Variants in MEMO1 observed in about 807,000 individuals in gnomAD.
MEMO1 encodes protein MEMO1.
Under a neutral mutation model 45.2 loss-of-function variants are expected in MEMO1, and 6 were observed. The ratio of observed to expected loss-of-function variants is 0.13; its 90% CI spans 0.07 to 0.26. The LOEUF (loss-of-function observed/expected upper bound fraction) is 0.26, where lower values mean the gene tolerates loss of function less well. MEMO1 is among the 10% of genes least tolerant of loss of function. The pLI is 1.00. For synonymous variants in MEMO1, 78 were observed against 124.3 expected (o/e 0.63, Z 2.48); for missense variants, 184 against 370.5 (o/e 0.50, Z 4.13).
chr2:31,932,142 A>C lies in MEMO1; in HGVS notation c.144-7T>G. ...GTACGTATATCCTGCATGGCTACAA[A>C]ACAAAATATTTTTAAACTTAATCAT... On this transcript the variant is annotated splice_polypyrimidine_tract_variant and splice_region_variant and intron_variant, in intron 3 of 9. Coordinates refer to ENST00000404530, the MANE Select transcript of MEMO1 (RefSeq NM_001301833.4). The C allele has an allele frequency of 6.2e-7, 1 of 1,610,860 alleles. No homozygotes were observed. Among genetic ancestry groups the C allele is most frequent in the Non-Finnish European group, 8.5e-7 (1 of 1,178,528 alleles).
At chr2:31,991,136 C>T (rs1218718541) in intron 2 of MEMO1, among the ~76,000 whole-genome samples, 2 of 152,064 alleles carry the variant, frequency 1.3e-5, no homozygotes, top group Admixed American at 6.5e-5. Flanking sequence ...CTTATAGTCA[C>T]GTGTGTTTAT....
chr2:31,965,211 CAAA>C, intron 2 of MEMO1, among the ~76,000 whole-genome samples: 1 of 129,732 alleles, frequency 7.7e-6, no homozygotes, highest in South Asian at 2.5e-4. Flanking sequence ...GAAACTCCAT[CAAA>C]AAAAAGAAAG....
chr2:31,906,300 GTTTT>G (rs566139722), intron 6 of MEMO1, among the ~76,000 whole-genome samples: 4 of 148,508 alleles, frequency 2.7e-5, no homozygotes, highest in East Asian at 2.0e-4. Flanking sequence ...TTTTGTTTTT[GTTTT>G]TTTTGTTTGT....
At chr2:31,961,672 G>C (rs931349413) in intron 2 of MEMO1, among the ~76,000 whole-genome samples, 3 of 151,948 alleles carry the variant, frequency 2.0e-5, no homozygotes, top group Non-Finnish European at 2.9e-5. Flanking sequence ...CAGCTACTCA[G>C]GAAGCTGAGG....
rs149465511 is a variant in MEMO1 at position 31,873,982 on chromosome 2, T to C, written c.658-4030A>G. Among the ~76,000 whole-genome samples, 683 of 152,160 alleles carry C rather than the reference T, an allele frequency of 4.5e-3. 5 individuals carry two copies. Among genetic ancestry groups the C allele is most frequent in the African/African-American group, 0.016 (649 of 41,544 alleles). On this transcript the variant is annotated intron_variant, in intron 8 of 9. Transcript: ENST00000404530. Reference sequence around the variant, plus strand: ...GGCTTAGGTTCAAGAGAAAGAAGTATGAGGTGACGAAGGAACAATTTTCAC... The same window carrying C: ...GGCTTAGGTTCAAGAGAAAGAAGTACGAGGTGACGAAGGAACAATTTTCAC...
At chr2:31,971,640 T>C (rs1572856128) in intron 2 of MEMO1, among the ~76,000 whole-genome samples, 1 of 152,046 alleles carries the variant, frequency 6.6e-6, no homozygotes, top group African/African-American at 2.4e-5. Flanking sequence ...CCTTGCAAAG[T>C]AGCTGGAACT....
chr2:32,003,526 A>G (rs1417975417), intron 2 of MEMO1, among the ~76,000 whole-genome samples: 1 of 152,228 alleles, frequency 6.6e-6, no homozygotes, highest in African/African-American at 2.4e-5. Context: ...CTTTTTCAAT[A>G]TATGTTTACT....
intron 6 of MEMO1, among the ~76,000 whole-genome samples, chr2:31,907,786 A>AACACACACACACACACACAC (rs3065385): frequency 6.9e-6 from 1 of 145,308 alleles, no homozygotes; most frequent in African/African-American, 2.6e-5. Flanking sequence ...CCGTGTCTTA[A>AACACACACACACACACACAC]ACACACACAC....
At chr2:31,991,190 G>A (rs1671899212) in intron 2 of MEMO1, among the ~76,000 whole-genome samples, 1 of 152,134 alleles carries the variant, frequency 6.6e-6, no homozygotes, top group Non-Finnish European at 1.5e-5. Flanking sequence ...ATAAGAAATT[G>A]ATAAAAGCAA....
intron 6 of MEMO1, among the ~76,000 whole-genome samples, chr2:31,897,666 G>C (rs191787650): frequency 1.2e-3 from 185 of 152,274 alleles, no homozygotes; most frequent in African/African-American, 4.1e-3. Flanking sequence ...AGGGATATTG[G>C]CCTGAAATTT....
At chr2:31,891,855 C>CT (rs1677034071) in intron 7 of MEMO1, 137 bp downstream of exon 7, 2 of 900,110 alleles carry the variant, frequency 2.2e-6, no homozygotes, top group South Asian at 3.6e-5. Flanking sequence ...TTTTTATTCA[C>CT]TTTTAAACAC....
chr2:31,868,629 CTT>C (rs1356565816), intron 9 of MEMO1, 137 bp from the exon 10 acceptor site: 3 of 730,384 alleles, frequency 4.1e-6, no homozygotes, highest in Non-Finnish European at 5.9e-6. Flanking sequence ...TTGAATTTCT[CTT>C]GTTGCATCAT....
chr2:31,964,542 C>A (rs935205872), intron 2 of MEMO1, among the ~76,000 whole-genome samples: 8 of 150,358 alleles, frequency 5.3e-5, no homozygotes, highest in African/African-American at 1.9e-4. Flanking sequence ...ACTAAAAACA[C>A]AAAAAAAAAT....
chr2:31,937,287 T>G (rs547113644), intron 3 of MEMO1, among the ~76,000 whole-genome samples: 1 of 152,220 alleles, frequency 6.6e-6, no homozygotes, highest in South Asian at 2.1e-4. Context: ...AAATATTAAA[T>G]AGTCTGAGCT....
chr2:31,899,646 AC>A (rs919184634), intron 6 of MEMO1, among the ~76,000 whole-genome samples: 11 of 152,356 alleles, frequency 7.2e-5, no homozygotes, highest in African/African-American at 2.6e-4. Flanking sequence ...TGACTAAAAC[AC>A]CAAAAGCAAT....
intron 5 of MEMO1, among the ~76,000 whole-genome samples, chr2:31,918,386 G>C (rs566634547): frequency 5.9e-5 from 9 of 152,070 alleles, no homozygotes; most frequent in African/African-American, 2.2e-4. Context: ...TTCGGGTCTA[G>C]GCTTTTCCTT....
At chr2:31,885,871 A>G (rs1340976535) in intron 7 of MEMO1, among the ~76,000 whole-genome samples, 1 of 152,320 alleles carries the variant, frequency 6.6e-6, no homozygotes, top group East Asian at 1.9e-4. Flanking sequence ...TTCCAAGTAA[A>G]GAGTTGCTGT....
At chr2:31,883,245 T>C in intron 8 of MEMO1, 141 bp downstream of exon 8, 1 of 652,254 alleles carries the variant, frequency 1.5e-6, no homozygotes. Context: ...ATAGTCAGTA[T>C]TTATATGATG....
At chr2:31,985,406 AC>A (rs1671143190) in intron 2 of MEMO1, among the ~76,000 whole-genome samples, 1 of 152,094 alleles carries the variant, frequency 6.6e-6, no homozygotes, top group African/African-American at 2.4e-5. Flanking sequence ...GCTCATTGCA[AC>A]CTCCACCTCC....
Sources: allele counts gnomAD v4.1 joint callset (sites outside exome capture counted in the v4.1 genomes callset), GRCh38; gene constraint gnomAD v4.1.1; transcripts MANE v1.5; gene names NCBI Gene and HGNC (gene_info 2026-07-23, HGNC 2026-07-21).